CNTN5: variants seen among roughly 807,000 people sequenced by gnomAD.
The protein encoded by CNTN5 is contactin 5, also known as contactin-5.
Under a neutral mutation model 129.1 loss-of-function variants are expected in CNTN5, and 77 were observed. The ratio of observed to expected loss-of-function variants is 0.60; its 90% CI spans 0.50 to 0.72. The LOEUF (loss-of-function observed/expected upper bound fraction) is 0.72, where lower values mean the gene tolerates loss of function less well. Among genes scored for constraint, CNTN5 ranks in the 30% least tolerant of loss-of-function variants. CNTN5 has a pLI of 0.00. For synonymous variants in CNTN5, 509 were observed against 465.6 expected (o/e 1.09, Z -1.20); for missense variants, 1,478 against 1,328.8 (o/e 1.11, Z -1.75).
intron 13 of CNTN5, among the ~76,000 whole-genome samples, chr11:100,169,962 A>C (rs1342660186): frequency 6.6e-6 from 1 of 151,902 alleles, no homozygotes; most frequent in African/African-American, 2.4e-5. Flanking sequence ...TTCCTCCCAG[A>C]TTCTGTGTAG....
intron 16 of CNTN5, 84 bp from the exon 17 acceptor site, chr11:100,255,676 A>T: frequency 8.6e-7 from 1 of 1,163,644 alleles, no homozygotes; most frequent in Non-Finnish European, 1.2e-6. Flanking sequence ...ACATAGTTGG[A>T]TGTGCTACAT....
At chr11:100,344,975 T>C (rs2139023989) in intron 23 of CNTN5, among the ~76,000 whole-genome samples, 1 of 152,226 alleles carries the variant, frequency 6.6e-6, no homozygotes, top group South Asian at 2.1e-4. Context: ...TTAAAGCTTA[T>C]ATTAATAAAG....
chr11:100,237,791 G>A (rs1043925319), intron 16 of CNTN5, among the ~76,000 whole-genome samples: 5 of 152,068 alleles, frequency 3.3e-5, no homozygotes, highest in East Asian at 3.9e-4. Flanking sequence ...TAGTATGTAT[G>A]GGAAAAATCT....
chr11:100,306,193 C>G (rs1951345578), intron 20 of CNTN5, among the ~76,000 whole-genome samples: 1 of 151,540 alleles, frequency 6.6e-6, no homozygotes, highest in Non-Finnish European at 1.5e-5. Flanking sequence ...TGGTATGACC[C>G]TGATTTAAAA....
At chr11:100,261,982 G>T (rs1287728751) in intron 17 of CNTN5, among the ~76,000 whole-genome samples, 2 of 152,084 alleles carry the variant, frequency 1.3e-5, no homozygotes, top group Admixed American at 1.3e-4. Flanking sequence ...TCTGCACAGT[G>T]AAAGAAACTA....
intron 21 of CNTN5, among the ~76,000 whole-genome samples, chr11:100,330,402 A>G (rs1311287348): frequency 6.6e-6 from 1 of 152,248 alleles, no homozygotes; most frequent in Non-Finnish European, 1.5e-5. Context: ...TTGAAAACAT[A>G]CTTGAGGGAA....
chr11:99,260,802 G>A (rs933288480), intron 1 of CNTN5, among the ~76,000 whole-genome samples: 2 of 151,904 alleles, frequency 1.3e-5, no homozygotes, highest in Admixed American at 6.6e-5. Flanking sequence ...TGAAGATAAA[G>A]CTGATCTCAT....
At chr11:99,891,290 GAA>G (rs1316232085) in intron 6 of CNTN5, among the ~76,000 whole-genome samples, 1 of 152,008 alleles carries the variant, frequency 6.6e-6, no homozygotes, top group South Asian at 2.1e-4. Flanking sequence ...ATTCTAAAAT[GAA>G]AAGTTTATTT....
At position 99,750,545 on chromosome 11, in the gene CNTN5, C is replaced by G. The variant is rs1363847366; in HGVS notation, c.56-68999C>G. Among the ~76,000 whole-genome samples the G allele has an allele frequency of 2.4e-5, 3 of 126,908 alleles. No individual in the cohort carries two copies. The Admixed American group carries it at 2.5e-4, about 10-fold the overall frequency. The allele number at this position is 126,908 out of a possible 152,430, so 83.3% of individuals were successfully genotyped here. A position where few individuals can be genotyped will look rare whatever the true frequency, so the allele number is the denominator to read the frequency against. ...GAGAGCTAAGATAGAAGAGTGGTAG[C>G]TAAAAAAAAAAGCTACCACTCTTAC... On this transcript the variant is annotated intron_variant, in intron 3 of 24. Transcript: ENST00000524871.
At chr11:99,965,291 G>T (rs569459221) in intron 8 of CNTN5, among the ~76,000 whole-genome samples, 3 of 151,574 alleles carry the variant, frequency 2.0e-5, no homozygotes, top group Non-Finnish European at 2.9e-5. Flanking sequence ...TTCTCTTTTG[G>T]TCATTTAGTG....
intron 13 of CNTN5, among the ~76,000 whole-genome samples, chr11:100,182,547 T>C (rs1948170011): frequency 6.6e-6 from 1 of 152,092 alleles, no homozygotes; most frequent in Non-Finnish European, 1.5e-5. Context: ...ATCCAGATCA[T>C]AGAAGTTCAT....
chr11:99,662,685 T>G (rs1952639618), intron 3 of CNTN5, among the ~76,000 whole-genome samples: 1 of 152,160 alleles, frequency 6.6e-6, no homozygotes, highest in Non-Finnish European at 1.5e-5. Context: ...ATATTCTAAT[T>G]TTAGGAGCTC....
At chr11:99,364,041 G>C (rs1173605039) in intron 2 of CNTN5, among the ~76,000 whole-genome samples, 1 of 151,912 alleles carries the variant, frequency 6.6e-6, no homozygotes, top group Non-Finnish European at 1.5e-5. Context: ...AAGATTTTTT[G>C]TGTTTTAAAA....
intron 3 of CNTN5, among the ~76,000 whole-genome samples, chr11:99,673,153 C>A (rs1591457914): frequency 6.6e-6 from 1 of 152,110 alleles, no homozygotes; most frequent in Admixed American, 6.6e-5. Flanking sequence ...AACTCAATAC[C>A]ATGCTATGCT....
intron 1 of CNTN5, among the ~76,000 whole-genome samples, chr11:99,154,393 G>C (rs1860231566): frequency 1.3e-5 from 2 of 152,198 alleles, no homozygotes; most frequent in Admixed American, 1.3e-4. Flanking sequence ...AGCATGGAGA[G>C]ACAGGGCTGA....
At chr11:99,312,398 A>C (rs544894561) in intron 1 of CNTN5, among the ~76,000 whole-genome samples, 4 of 152,174 alleles carry the variant, frequency 2.6e-5, no homozygotes, top group Non-Finnish European at 5.9e-5. Flanking sequence ...TGTGTTAAAA[A>C]AATAATGCTG....
intron 13 of CNTN5, among the ~76,000 whole-genome samples, chr11:100,187,409 C>CA (rs1948331444): frequency 1.1e-5 from 1 of 92,318 alleles, no homozygotes; most frequent in Non-Finnish European, 2.1e-5. Context: ...AAGCTGCCAA[C>CA]GGTTTTTTTT....
chr11:99,335,034 C>A (rs187537334), intron 2 of CNTN5, among the ~76,000 whole-genome samples: 1 of 152,078 alleles, frequency 6.6e-6, no homozygotes, highest in Non-Finnish European at 1.5e-5. Context: ...CTCTGGAAGT[C>A]GTATTCACTG....
intron 1 of CNTN5, among the ~76,000 whole-genome samples, chr11:99,291,069 T>G (rs1184414831): frequency 6.6e-6 from 1 of 151,874 alleles, no homozygotes; most frequent in African/African-American, 2.4e-5. Context: ...TAAGGAACAT[T>G]GTAAAAATAA....
Sources: allele counts gnomAD v4.1 joint callset (sites outside exome capture counted in the v4.1 genomes callset), GRCh38; gene constraint gnomAD v4.1.1; transcripts MANE v1.5; gene names NCBI Gene and HGNC (gene_info 2026-07-23, HGNC 2026-07-21).